Variants in PRDM16 observed in about 807,000 individuals in gnomAD.
The protein encoded by PRDM16 is PR/SET domain 16.
In PRDM16, 23 loss-of-function variants were observed where a neutral mutation model predicts 110.6. That is an observed-to-expected ratio of 0.21 (90% CI 0.15 to 0.29). The LOEUF is 0.29. Ranked by LOEUF, PRDM16 falls within the 10% of genes least tolerant of loss-of-function variation. The pLI, the probability that PRDM16 is intolerant of heterozygous loss-of-function variation, is 1.00. For missense variants in PRDM16, 1,615 were observed against 1,794.3 expected, an observed-to-expected ratio of 0.90 and a Z score of 1.81; for synonymous variants, 799 against 781.8, an observed-to-expected ratio of 1.02 and a Z score of -0.37.
intron 3 of PRDM16, among the ~76,000 whole-genome samples, chr1:3,304,965 C>G (rs12407909): frequency 0.15 from 22,706 of 152,190 alleles, 2,193 homozygotes; most frequent in East Asian, 0.32. Flanking sequence ...CGTCTGTGTC[C>G]CCAGCTGAAG....
intron 1 of PRDM16, among the ~76,000 whole-genome samples, chr1:3,167,510 A>G (rs1041605799): frequency 2.0e-5 from 3 of 151,982 alleles, no homozygotes; most frequent in African/African-American, 7.3e-5. Context: ...ATCCTGCCAC[A>G]GGTGAAGAAG....
intron 3 of PRDM16, among the ~76,000 whole-genome samples, chr1:3,283,533 C>T (rs1398561448): frequency 6.6e-6 from 1 of 152,172 alleles, no homozygotes; most frequent in Non-Finnish European, 1.5e-5. Flanking sequence ...ACAGCAGAGA[C>T]AGACACACAG....
intron 1 of PRDM16, among the ~76,000 whole-genome samples, chr1:3,139,130 G>A (rs928757781): frequency 6.6e-6 from 1 of 152,030 alleles, no homozygotes; most frequent in Non-Finnish European, 1.5e-5. Context: ...GCAGACACAC[G>A]TGGACGAGTT....
At chr1:3,284,431 C>G (rs560843127) in intron 3 of PRDM16, among the ~76,000 whole-genome samples, 10 of 152,182 alleles carry the variant, frequency 6.6e-5, no homozygotes, top group African/African-American at 2.2e-4. Flanking sequence ...TCAGAGAAAA[C>G]CAGTGTAAGG....
intron 3 of PRDM16, among the ~76,000 whole-genome samples, chr1:3,256,425 C>T (rs1333862856): frequency 2.6e-5 from 4 of 152,144 alleles, no homozygotes; most frequent in Admixed American, 6.5e-5. Context: ...GGCTGATACT[C>T]GTTCATCTAT....
In PRDM16 at chr1:3,415,684, G is replaced by A. The variant is rs537681198; in HGVS notation, c.2691+1037G>A. Among the ~76,000 whole-genome samples the A allele has an allele frequency of 5.9e-5, 9 of 152,364 alleles. No individual in the cohort carries two copies. The East Asian group carries it at 7.7e-4, about 13-fold the overall frequency. On this transcript the variant is annotated intron_variant, in intron 10 of 16. Transcript: ENST00000270722. ...GGGCGGGAGAGGCCCACCCAGGCCC[G>A]AGGAAGGGAGCCCAGCGGGGGGCAG...
intron 3 of PRDM16, among the ~76,000 whole-genome samples, chr1:3,260,569 A>C (rs1465100259): frequency 6.6e-6 from 1 of 151,438 alleles, no homozygotes; most frequent in East Asian, 2.0e-4. Flanking sequence ...GAGTGAGATC[A>C]AGATTTGTGT....
chr1:3,403,139 T>C, intron 6 of PRDM16, 141 bp downstream of exon 6: 1 of 785,134 alleles, frequency 1.3e-6, no homozygotes, highest in Middle Eastern at 3.7e-4. Flanking sequence ...AAGGGCCCCC[T>C]GGTGGGACAC....
In PRDM16 at chr1:3,431,022, C is replaced by T. The variant is rs756605824; in HGVS notation, c.3435C>T (p.Pro1145=). The T allele has an allele frequency of 2.5e-5, 40 of 1,573,414 alleles. No homozygotes were observed. The highest frequency in any genetic ancestry group is 4.7e-5 in the East Asian group (2 of 42,366). Residue 1145 remains proline, a synonymous_variant, in exon 15 of 17, where the codon CCC becomes CCT. Transcript: ENST00000270722. Reference sequence around the variant, plus strand: ...AGTCGCAGGATGACACCGTGTCCCCCGCACCCGAGCCCCAGGCCGCCTACG... The same window carrying T: ...AGTCGCAGGATGACACCGTGTCCCCTGCACCCGAGCCCCAGGCCGCCTACG... The part of the protein sequence containing the change: ...AGKSQDDTVS[P]APEPQAAYED...
chr1:3,135,015 C>T (rs923174244), intron 1 of PRDM16, among the ~76,000 whole-genome samples: 6 of 152,212 alleles, frequency 3.9e-5, no homozygotes, highest in Non-Finnish European at 7.3e-5. Context: ...CCTCCTGGTC[C>T]GCGTGCTGCT....
intron 2 of PRDM16, among the ~76,000 whole-genome samples, chr1:3,187,345 CT>C (rs1336115530): frequency 6.6e-5 from 10 of 151,536 alleles, no homozygotes; most frequent in African/African-American, 2.4e-4. Flanking sequence ...CGGATTCCCC[CT>C]GTGCCTCCCA....
chr1:3,242,123 G>A (rs928473395), intron 2 of PRDM16, among the ~76,000 whole-genome samples: 2 of 152,210 alleles, frequency 1.3e-5, no homozygotes, highest in African/African-American at 2.4e-5. Flanking sequence ...CCAGCGCCAG[G>A]CCCCTGTGGG....
intron 3 of PRDM16, among the ~76,000 whole-genome samples, chr1:3,341,832 G>A (rs927526981): frequency 4.6e-5 from 7 of 152,254 alleles, no homozygotes; most frequent in South Asian, 2.1e-4. Flanking sequence ...GCCAGACGGT[G>A]TTGCCTGACT....
chr1:3,297,358 G>A (rs1187716840), intron 3 of PRDM16, among the ~76,000 whole-genome samples: 2 of 146,710 alleles, frequency 1.4e-5, no homozygotes, highest in Admixed American at 7.0e-5. Flanking sequence ...ATCTTGGCTC[G>A]CTGCAACCTC....
At position 3,246,477 on chromosome 1, in the gene PRDM16, CG is replaced by C. The variant is rs967573211; in HGVS notation, c.438+2345del. On this transcript the variant is annotated intron_variant, in intron 3 of 16. Coordinates refer to ENST00000270722, the MANE Select transcript of PRDM16 (RefSeq NM_022114.4). The surrounding 1 kb of genome is among the most constrained non-coding windows in gnomAD (Gnocchi z 5.2). ...CAGCGCAGGGTACCAGAGCCAGCAT[CG>C]GGGGCGTTGGTGGGCGGTCCTGTCC... Among the ~76,000 whole-genome samples the C allele has an allele frequency of 2.6e-5, 4 of 152,182 alleles. No homozygotes were observed. Among genetic ancestry groups the C allele is most frequent in the African/African-American group, 9.6e-5 (4 of 41,454 alleles).
intron 9 of PRDM16, among the ~76,000 whole-genome samples, chr1:3,413,764 G>A (rs985636091): frequency 1.3e-5 from 2 of 152,230 alleles, no homozygotes; most frequent in Admixed American, 6.5e-5. Context: ...AGACAGAGAA[G>A]AGCAGGCTGC....
Position 3,437,281 on chromosome 1 carries a change from G to A in PRDM16, c.*3470G>A, listed in dbSNP as rs56113941. Reference sequence around the variant, plus strand: ...CTCCACGTCCCCAGAGTCCAGCCCTGGAAATTCCAAGGGCCCTGGCGTCCT... The same window carrying A: ...CTCCACGTCCCCAGAGTCCAGCCCTAGAAATTCCAAGGGCCCTGGCGTCCT... On this transcript the variant is annotated 3_prime_UTR_variant, in exon 17 of 17. Coordinates refer to ENST00000270722, the MANE Select transcript of PRDM16 (RefSeq NM_022114.4). The A allele has an allele frequency of 4.8e-3, 1,125 of 232,836 alleles. 7 individuals are homozygous for A. The highest frequency in any genetic ancestry group is 8.0e-3 in the Non-Finnish European group (937 of 117,802). The allele number at this position is 232,836 out of a possible 1,614,324, so 14.4% of individuals were successfully genotyped here.
intron 4 of PRDM16, 30 bp downstream of exon 4, chr1:3,385,316 G>T: frequency 6.2e-7 from 1 of 1,611,166 alleles, no homozygotes; most frequent in African/African-American, 1.3e-5. Context: ...AGGGGCTTCT[G>T]CCTCTTGGAA....
intron 3 of PRDM16, among the ~76,000 whole-genome samples, chr1:3,321,815 CACATGTGT>C (rs1361735409): frequency 1.4e-5 from 2 of 144,078 alleles, no homozygotes; most frequent in South Asian, 2.2e-4. Flanking sequence ...TGTGTAGGTG[CACATGTGT>C]ACATGTGTGC....
Sources: gnomAD v4.1 joint callset for allele counts (sites outside exome capture counted in the v4.1 genomes callset) on GRCh38, gnomAD v4.1.1 for gene constraint, Gnocchi (gnomAD v3.1) non-coding constraint, MANE v1.5 for transcripts, NCBI Gene and HGNC (gene_info 2026-07-23, HGNC 2026-07-21) for gene names.